The following SPON2 variants were observed in gnomAD, a reference collection of about 807,000 sequenced individuals.
SPON2 encodes spondin 2.
A neutral mutation model predicts 29.9 loss-of-function variants in SPON2; 32 were observed. The ratio of observed to expected loss-of-function variants is 1.07; its 90% CI spans 0.81 to 1.44. The LOEUF is 1.44. Among genes scored for constraint, SPON2 ranks in the 40% most tolerant of loss-of-function variants. The pLI, the probability that SPON2 is intolerant of heterozygous loss-of-function variation, is 0.00. For synonymous variants in SPON2, 248 were observed against 209.1 expected, an observed-to-expected ratio of 1.19 and a Z score of -1.61; for missense variants, 541 against 455.5, an observed-to-expected ratio of 1.19 and a Z score of -1.71.
Position 1,168,694 on chromosome 4 carries a change from C to T in SPON2, c.812-1038G>A, listed in dbSNP as rs543126072. 4.9e-4 allele frequency among the ~76,000 whole-genome samples: 74 copies of T among 152,352 alleles called. No homozygotes were observed. In the Middle Eastern group the frequency reaches 0.014, roughly 28 times the overall value. ...CTGACTGAAACCGAGGTGGTGGGAG[C>T]GCCCCTGCCCTGGCTGCAATGAGGA... On this transcript the variant is annotated intron_variant, in intron 5 of 5. Transcript: ENST00000290902.
chr4:1,204,504 G>A (rs536405279), intron 1 of SPON2, among the ~76,000 whole-genome samples: 14 of 152,176 alleles, frequency 9.2e-5, no homozygotes, highest in African/African-American at 2.9e-4. Context: ...TTCACCGTTC[G>A]CATTGTTACT....
At chr4:1,182,125 A>C (rs1036399634) in intron 1 of SPON2, among the ~76,000 whole-genome samples, 6 of 152,316 alleles carry the variant, frequency 3.9e-5, no homozygotes, top group Admixed American at 3.9e-4. Flanking sequence ...GAAGGGGGAA[A>C]CATGATTTTC....
At chr4:1,188,913 G>T (rs935107733) in intron 1 of SPON2, among the ~76,000 whole-genome samples, 1 of 152,148 alleles carries the variant, frequency 6.6e-6, no homozygotes, top group Admixed American at 6.5e-5. Context: ...TGGAATGTCT[G>T]ACAGAATAAA....
At chr4:1,183,011 C>G (rs1315117488) in intron 1 of SPON2, among the ~76,000 whole-genome samples, 1 of 152,054 alleles carries the variant, frequency 6.6e-6, no homozygotes, top group African/African-American at 2.4e-5. Flanking sequence ...TGGCTCACTC[C>G]TGTAATCCCA....
In SPON2 at chr4:1,187,349, G is replaced by A. The variant is rs566282064; in HGVS notation, c.-239+7641C>T. 5.3e-5 allele frequency among the ~76,000 whole-genome samples: 8 copies of A among 152,310 alleles called. No individual in the cohort carries two copies. The South Asian group carries it at 1.7e-3, about 32-fold the overall frequency. ...CAGAGAGACAGACAGCAGATTGGTG[G>A]TTGCCAGAAGCTGGGGGGAGCAGAA... On this transcript the variant is annotated intron_variant, in intron 1 of 3. Transcript: ENST00000502483.
chr4:1,170,924 G>T, intron 4 of SPON2, 75 bp downstream of exon 4: 1 of 1,523,210 alleles, frequency 6.6e-7, no homozygotes, highest in Non-Finnish European at 8.9e-7. Flanking sequence ...GGGAGGCGAG[G>T]GTGCAGCCAG....
intron 5 of SPON2, 126 bp from the exon 6 acceptor site, chr4:1,167,782 C>T (rs536585427): frequency 6.9e-6 from 7 of 1,011,232 alleles, no homozygotes; most frequent in Admixed American, 2.8e-5. Flanking sequence ...GGGGCACTTG[C>T]GTTTCTCCGC....
At chr4:1,195,463 T>C (rs956375166), upstream of SPON2, among the ~76,000 whole-genome samples, 2 of 150,908 alleles carry the variant, frequency 1.3e-5, no homozygotes, top group Admixed American at 1.3e-4. Context: ...CCTCGGCCCC[T>C]TGGAGGCTGC....
Position 1,171,426 on chromosome 4 carries a change from A to C in SPON2, c.281T>G (p.Leu94Arg), listed in dbSNP as rs372313796. The C allele has an allele frequency of 1.6e-5, 25 of 1,612,246 alleles. No individual in the cohort carries two copies. Among genetic ancestry groups the C allele is most frequent in the Non-Finnish European group, 2.1e-5 (25 of 1,179,776 alleles). The change falls in exon 3 of 6, where the codon CTG (leucine) becomes CGG (arginine). Residue 94 changes from leucine (L) to arginine (R), a missense_variant. By Grantham distance (102) the Leu-to-Arg change is moderately radical. Transcript: ENST00000290902. Reference sequence around the variant, plus strand: ...CTCGCCGCGCTCCGCAAAGTCGCGCAGCCCGTTACTGACGTACTGGTTCTT... The same window carrying C: ...CTCGCCGCGCTCCGCAAAGTCGCGCCGCCCGTTACTGACGTACTGGTTCTT... ...WRKNQYVSNGLRDFAERGEAW... is the reference protein window; with the variant it reads ...WRKNQYVSNGRRDFAERGEAW...
Position 1,202,845 on chromosome 4 carries a change from C to T in SPON2, c.-234+5035G>A, listed in dbSNP as rs1414640591. 1.3e-5 allele frequency among the ~76,000 whole-genome samples: 2 copies of T among 152,166 alleles called. No individual in the cohort carries two copies. Among genetic ancestry groups the T allele is most frequent in the Non-Finnish European group, 1.5e-5 (1 of 68,032 alleles). On this transcript the variant is annotated intron_variant, in intron 1 of 3. Transcript: ENST00000509233. The surrounding 1 kb of genome is among the most constrained non-coding windows in gnomAD (Gnocchi z 5.4). ...CGCCCCGTGGATGCCGTCAAGGCCC[C>T]CCGCATGTGCCTTTGGGAGCGATGG...
upstream of SPON2, chr4:1,195,244 A>C (rs1728038373): frequency 6.6e-6 from 1 of 151,914 alleles, no homozygotes; most frequent in Non-Finnish European, 1.5e-5. Context: ...TCAATGTCCC[A>C]CTCCCGCATC....
chr4:1,173,095 G>A (rs1459663540), upstream of SPON2: 1 of 152,126 alleles, frequency 6.6e-6, no homozygotes, highest in Non-Finnish European at 1.5e-5. Flanking sequence ...CGAAATTAGA[G>A]CCAGCGTGCT....
At chr4:1,186,230 C>T (rs1394818974) in intron 1 of SPON2, among the ~76,000 whole-genome samples, 12 of 138,588 alleles carry the variant, frequency 8.7e-5, no homozygotes, top group Admixed American at 6.1e-4. Flanking sequence ...GGTGACAGAG[C>T]GAGACTCCGT....
rs987902232 is a variant in SPON2, at chr4:1,170,588, G to A, written c.637-12C>T. On this transcript the variant is annotated splice_polypyrimidine_tract_variant and intron_variant, in intron 4 of 5. Coordinates refer to ENST00000290902, the MANE Select transcript of SPON2 (RefSeq NM_012445.4). The stretch of plus-strand genomic sequence containing the variant: ...GAGGAGGACGTTATCTGGGGAGGAA[G>A]AAGAGGAGGTTGGCCTGGGGTCCGA... The A allele has an allele frequency of 3.1e-6, 5 of 1,601,526 alleles. No homozygotes were observed. The highest frequency in any genetic ancestry group is 4.5e-5 in the East Asian group (2 of 44,534).
upstream of SPON2, among the ~76,000 whole-genome samples, chr4:1,198,258 GGATGAGCGGCACCACGCAGA>G (rs1466504145): frequency 2.6e-5 from 4 of 152,310 alleles, no homozygotes; most frequent in South Asian, 8.3e-4. Context: ...GAATGACTCT[GGATGAGCGGCACCACGCAGA>G]GATGAGCACG....
Position 1,201,557 on chromosome 4 carries a change from C to T in SPON2, c.-234+6323G>A, listed in dbSNP as rs145597829. The T allele has an allele frequency of 2.4e-3, 374 of 155,908 alleles. 3 individuals are homozygous for T. Among genetic ancestry groups the T allele is most frequent in the African/African-American group, 8.5e-3 (352 of 41,402 alleles). The allele number at this position is 155,908 out of a possible 1,614,324, so 9.7% of individuals were successfully genotyped here. A position where few individuals can be genotyped will look rare whatever the true frequency, so the allele number is the denominator to read the frequency against. ...GGAGTGCCTGCCACACTGAGGTCCG[C>T]GCGCAGTTTCTGGTTTTCTGATGCT... is the stretch of plus-strand genomic sequence containing the variant. On this transcript the variant is annotated intron_variant, in intron 1 of 3. Transcript: ENST00000509233.
intron 1 of SPON2, among the ~76,000 whole-genome samples, chr4:1,205,962 C>T (rs1199801774): frequency 6.6e-6 from 1 of 150,608 alleles, no homozygotes; most frequent in Non-Finnish European, 1.5e-5. Context: ...CCCCTGGCTG[C>T]CTCCTGGCCT....
Position 1,204,758 on chromosome 4 carries a change from C to G in SPON2, c.-234+3122G>C, listed in dbSNP as rs1166438408. 4.6e-5 allele frequency among the ~76,000 whole-genome samples: 7 copies of G among 152,242 alleles called. 1 individual carries two copies. The highest frequency in any genetic ancestry group is 1.4e-4 in the African/African-American group (6 of 41,464). Reference sequence around the variant, plus strand: ...GGACGGCACCTCGTGACGCCCAGGACAGACCGGGCTTGTTGCTGGTCTGTG... The same window carrying G: ...GGACGGCACCTCGTGACGCCCAGGAGAGACCGGGCTTGTTGCTGGTCTGTG... On this transcript the variant is annotated intron_variant, in intron 1 of 3. Transcript: ENST00000509233.
chr4:1,204,033 G>A (rs1408666790), intron 1 of SPON2, among the ~76,000 whole-genome samples: 1 of 152,106 alleles, frequency 6.6e-6, no homozygotes, highest in East Asian at 1.9e-4. Flanking sequence ...ACCACGTGGT[G>A]GCTAATTGTT....
Sources: allele counts gnomAD v4.1 joint callset (sites outside exome capture counted in the v4.1 genomes callset), GRCh38; gene constraint gnomAD v4.1.1; non-coding constraint Gnocchi (gnomAD v3.1); transcripts MANE v1.5; gene names NCBI Gene and HGNC (gene_info 2026-07-23, HGNC 2026-07-21).